Variants in TGFBR3 observed in about 807,000 individuals in gnomAD.
TGFBR3 encodes transforming growth factor beta receptor type 3.
TGFBR3 carries 46 observed loss-of-function variants against 87.9 expected under a neutral mutation model. The ratio of observed to expected loss-of-function variants is 0.52; its 90% CI spans 0.41 to 0.67. The LOEUF is 0.67. TGFBR3 is among the 30% of genes least tolerant of loss of function. The probability of loss-of-function intolerance (pLI) is 0.00; values close to 1 mark genes in which losing one functional copy is unlikely to be tolerated. For missense variants in TGFBR3, 866 were observed against 1,041.9 expected (o/e 0.83, Z 2.32); for synonymous variants, 381 against 391.6 (o/e 0.97, Z 0.32).
intron 12 of TGFBR3, among the ~76,000 whole-genome samples, chr1:91,714,547 T>C (rs1006393530): frequency 6.7e-6 from 1 of 148,756 alleles, no homozygotes; most frequent in African/African-American, 2.5e-5. Context: ...AAAACAAGAA[T>C]GGAAAAAAAA....
intron 2 of TGFBR3, among the ~76,000 whole-genome samples, chr1:91,818,557 G>A (rs1231387338): frequency 2.6e-5 from 4 of 152,034 alleles, no homozygotes; most frequent in African/African-American, 9.7e-5. Context: ...TTCTGAGTGA[G>A]GCTAATATAT....
chr1:91,894,122 A>T (rs199525549), intron 2 of TGFBR3, among the ~76,000 whole-genome samples: 1 of 152,156 alleles, frequency 6.6e-6, no homozygotes, highest in Non-Finnish European at 1.5e-5. Flanking sequence ...CAGAGCCCTC[A>T]GAAGAAAGTA....
rs939677027 is a variant in TGFBR3, at chr1:91,712,112, T to C, written c.2166+131A>G. On this transcript the variant is annotated intron_variant, in intron 13 of 16. Coordinates refer to ENST00000212355, the MANE Select transcript of TGFBR3 (RefSeq NM_003243.5). ...CATAAAACTCACAGTTCCCTGCTAA[T>C]AGTGACTTTAATATTTCAGTTGGGC... The C allele has an allele frequency of 1.0e-5, 8 of 800,476 alleles. No individual in the cohort carries two copies. The African/African-American group carries it at 1.0e-4, about 10-fold the overall frequency. The allele number at this position is 800,476 out of a possible 1,614,324, so 49.6% of individuals were successfully genotyped here. A position where few individuals can be genotyped will look rare whatever the true frequency, so the allele number is the denominator to read the frequency against.
Position 91,749,910 on chromosome 1 carries a change from A to T in TGFBR3, c.384+8703T>A, listed in dbSNP as rs375042874. The stretch of plus-strand genomic sequence containing the variant: ...CCACCACGTCAACAAAGGGCACCAG[A>T]GATGTGACATTTGATACAATTGCCC... On this transcript the variant is annotated intron_variant, in intron 4 of 16. Transcript: ENST00000212355. 1.1e-4 allele frequency among the ~76,000 whole-genome samples: 17 copies of T among 152,312 alleles called. No homozygotes were observed. The South Asian group carries it at 3.5e-3, about 32-fold the overall frequency.
chr1:91,765,368 A>G (rs1353140085), intron 3 of TGFBR3, among the ~76,000 whole-genome samples: 1 of 151,828 alleles, frequency 6.6e-6, no homozygotes, highest in African/African-American at 2.4e-5. Context: ...TAATAATTAC[A>G]GAGTCATATT....
At chr1:91,747,056 A>C (rs1673375048) in intron 4 of TGFBR3, among the ~76,000 whole-genome samples, 1 of 152,224 alleles carries the variant, frequency 6.6e-6, no homozygotes, top group South Asian at 2.1e-4. Flanking sequence ...CTGAATCCTC[A>C]TATCTGATAG....
At chr1:91,836,281 A>C (rs996025068) in intron 2 of TGFBR3, among the ~76,000 whole-genome samples, 1 of 152,174 alleles carries the variant, frequency 6.6e-6, no homozygotes, top group East Asian at 1.9e-4. Flanking sequence ...ATTTTAAAAA[A>C]AATTCAGATG....
intron 4 of TGFBR3, among the ~76,000 whole-genome samples, chr1:91,753,155 G>A (rs1186772344): frequency 6.6e-6 from 1 of 152,052 alleles, no homozygotes; most frequent in Non-Finnish European, 1.5e-5. Flanking sequence ...GGAGGCCAAA[G>A]TGGGTGCATC....
In TGFBR3 at chr1:91,683,344, C is replaced by T. The variant is rs1219804243; in HGVS notation, c.*395G>A. 3 of 476,224 alleles carry T rather than the reference C, an allele frequency of 6.3e-6. No individual in the cohort carries two copies. Among genetic ancestry groups the T allele is most frequent in the Admixed American group, 2.3e-5 (1 of 43,152 alleles). 29.5% of individuals were successfully genotyped at this position (476,224 alleles called of 1,614,324 possible). A position where few individuals can be genotyped will look rare whatever the true frequency, so the allele number is the denominator to read the frequency against. ...TCTCCTCACTGGTTCTACTATCTGGCTATTAACCCTTTACCAACTCCTTGA... is the reference window on the plus strand; with the variant it reads ...TCTCCTCACTGGTTCTACTATCTGGTTATTAACCCTTTACCAACTCCTTGA... On this transcript the variant is annotated 3_prime_UTR_variant, in exon 17 of 17. Coordinates refer to ENST00000212355, the MANE Select transcript of TGFBR3 (RefSeq NM_003243.5).
intron 1 of TGFBR3, among the ~76,000 whole-genome samples, chr1:91,876,379 A>T (rs1678809632): frequency 6.6e-6 from 1 of 152,180 alleles, no homozygotes; most frequent in South Asian, 2.1e-4. Context: ...TCCTGAAACT[A>T]GCAGTAGGCA....
intron 2 of TGFBR3, among the ~76,000 whole-genome samples, chr1:91,821,672 T>C (rs1676456450): frequency 6.6e-6 from 1 of 152,174 alleles, no homozygotes; most frequent in African/African-American, 2.4e-5. Flanking sequence ...TCCTCCTCTG[T>C]GGTCAGCAAC....
intron 6 of TGFBR3, 148 bp from the exon 7 acceptor site, chr1:91,727,954 G>T: frequency 1.2e-6 from 1 of 822,670 alleles, no homozygotes; most frequent in Non-Finnish European, 2.0e-6. Flanking sequence ...GTGCAAAACA[G>T]ATTGTTACTG....
chr1:91,826,744 T>TAA (rs5776121), intron 2 of TGFBR3, among the ~76,000 whole-genome samples: 119,684 of 139,424 alleles, frequency 0.86, 51,614 homozygotes, highest in Non-Finnish European at 0.89. Context: ...CATCCACTAT[T>TAA]AAAAAAAAAA....
intron 4 of TGFBR3, among the ~76,000 whole-genome samples, chr1:91,754,257 G>A (rs747317177): frequency 6.6e-6 from 1 of 152,056 alleles, no homozygotes; most frequent in Non-Finnish European, 1.5e-5. Context: ...TCATCACCCA[G>A]TTAAGTTATC....
At chr1:91,742,118 T>G (rs1673180327) in intron 4 of TGFBR3, among the ~76,000 whole-genome samples, 1 of 152,140 alleles carries the variant, frequency 6.6e-6, no homozygotes, top group South Asian at 2.1e-4. Flanking sequence ...GGCAAACCGT[T>G]CTGTGTCCTC....
chr1:91,708,532 TG>T, intron 14 of TGFBR3, 130 bp downstream of exon 14: 1 of 1,420,040 alleles, frequency 7.0e-7, no homozygotes, highest in South Asian at 1.2e-5. Context: ...GGGCAAAAAA[TG>T]GTCTTCTAAA....
chr1:91,870,851 T>G (rs1481388747), intron 1 of TGFBR3, among the ~76,000 whole-genome samples: 1 of 151,996 alleles, frequency 6.6e-6, no homozygotes, highest in Non-Finnish European at 1.5e-5. Context: ...CAGGAGTTTC[T>G]GAAAATAAAT....
chr1:91,718,766 G>GA (rs931048906), intron 10 of TGFBR3, among the ~76,000 whole-genome samples: 33 of 152,188 alleles, frequency 2.2e-4, no homozygotes, highest in Admixed American at 2.0e-4. Flanking sequence ...TCAAAAGTAG[G>GA]AGAGTTTCTT....
intron 1 of TGFBR3, among the ~76,000 whole-genome samples, chr1:91,869,211 T>C (rs1472500896): frequency 1.3e-5 from 2 of 152,186 alleles, no homozygotes; most frequent in African/African-American, 2.4e-5. Flanking sequence ...ACCCTTCAGG[T>C]TGTAATTATT....
Sources: allele counts gnomAD v4.1 joint callset (sites outside exome capture counted in the v4.1 genomes callset), GRCh38; gene constraint gnomAD v4.1.1; transcripts MANE v1.5; gene names NCBI Gene and HGNC (gene_info 2026-07-23, HGNC 2026-07-21).